LOXL4: variants seen among roughly 807,000 people sequenced by gnomAD.
The protein encoded by LOXL4 is lysyl oxidase homolog 4.
Under a neutral mutation model 89.1 loss-of-function variants are expected in LOXL4, and 72 were observed. The ratio of observed to expected loss-of-function variants is 0.81; its 90% CI spans 0.67 to 0.98. The LOEUF (loss-of-function observed/expected upper bound fraction) is 0.98. Among genes scored for constraint, LOXL4 ranks in the 50% least tolerant of loss-of-function variants. The probability of loss-of-function intolerance (pLI) is 0.00; values close to 1 mark genes in which losing one functional copy is unlikely to be tolerated. For missense variants in LOXL4, 984 were observed against 1,017.5 expected (o/e 0.97, Z 0.45); for synonymous variants, 355 against 392.1 (o/e 0.91, Z 1.12).
At chr10:98,261,767 C>A (rs562983185) in intron 3 of LOXL4, among the ~76,000 whole-genome samples, 1 of 152,360 alleles carries the variant, frequency 6.6e-6, no homozygotes, top group South Asian at 2.1e-4. Flanking sequence ...TGAGGGAGCC[C>A]CTTACCCAAT....
At position 98,251,171 on chromosome 10, in the gene LOXL4, A is replaced by T. The variant is rs1564755007; in HGVS notation, c.2094T>A (p.Ile698=). ...CTGCCACTTCATAGTGGGGGTTCAC[A>T]ATCACCTAGAGTGAAAGAGGGGACA... ...VGPGNYIFQV[I]VNPHYEVAES... is the part of the protein sequence containing the mutation. Residue 698 remains isoleucine (I), a synonymous_variant, in exon 14 of 15, where the codon ATT becomes ATA. Coordinates refer to ENST00000260702, the MANE Select transcript of LOXL4 (RefSeq NM_032211.7). 6.2e-7 allele frequency: 1 copy of T among 1,611,796 alleles called. No homozygotes were observed. Among genetic ancestry groups the T allele is most frequent in the Admixed American group, 1.7e-5 (1 of 60,006 alleles).
At chr10:98,256,669 C>A in intron 9 of LOXL4, 111 bp downstream of exon 9, 1 of 1,230,276 alleles carries the variant, frequency 8.1e-7, no homozygotes, top group Non-Finnish European at 1.2e-6. Flanking sequence ...TAGTTTCACT[C>A]AGTAATGAAT....
Position 98,248,696 on chromosome 10 carries a change from C to G in LOXL4, c.*225G>C. 2.0e-6 allele frequency: 1 copy of G among 510,882 alleles called. No homozygotes were observed. Among genetic ancestry groups the G allele is most frequent in the Non-Finnish European group, 3.5e-6 (1 of 285,798 alleles). 31.6% of individuals were successfully genotyped at this position (510,882 alleles called of 1,614,324 possible). A position where few individuals can be genotyped will look rare whatever the true frequency, so the allele number is the denominator to read the frequency against. On this transcript the variant is annotated 3_prime_UTR_variant, in exon 15 of 15. Coordinates refer to ENST00000260702, the MANE Select transcript of LOXL4 (RefSeq NM_032211.7). ...GCTCAGCTGAGCAAAGCCTGGAGGA[C>G]ATATTCCATAGGCCACAGGCCCTTA...
At position 98,255,682 on chromosome 10, in the gene LOXL4, G is replaced by T. The variant is rs149982668; in HGVS notation, c.1486C>A (p.Arg496Ser). Residue 496 changes from arginine to serine, a missense_variant, in exon 10 of 15, where the codon CGC (arginine) becomes AGC (serine). Coordinates refer to ENST00000260702, the MANE Select transcript of LOXL4 (RefSeq NM_032211.7). ...AGGGCCAGCTCTGTGCCTGAGCAGC[G>T]CACCCCACTCATCACCACCTCCTGG... ...RAQEVVMSGV[R>S]CSGTELALQQ... 3 of 1,613,566 alleles carry T rather than the reference G, an allele frequency of 1.9e-6. No homozygotes were observed. The highest frequency in any genetic ancestry group is 1.1e-5 in the South Asian group (1 of 91,070).
intron 12 of LOXL4, chr10:98,251,954 T>TCCCG: frequency 1.9e-6 from 1 of 540,178 alleles, no homozygotes; most frequent in African/African-American, 1.9e-5. Context: ...CCGTGCTAAT[T>TCCCG]TACTTGTGCA....
rs576449375 is a variant in LOXL4 at position 98,262,627 on chromosome 10, G to C, written c.277+116C>G. 28 of 1,287,774 alleles carry C rather than the reference G, an allele frequency of 2.2e-5. No individual in the cohort carries two copies. In the East Asian group the frequency reaches 4.7e-4, roughly 21 times the overall value. 79.8% of individuals were successfully genotyped at this position (1,287,774 alleles called of 1,614,324 possible). On this transcript the variant is annotated intron_variant, in intron 2 of 14. Transcript: ENST00000260702. ...GCAGCTGAGGCACTCAGGAAATGCC[G>C]TGTGGAGGAGGTCACATGAGCAGGG...
At position 98,261,975 on chromosome 10, in the gene LOXL4, A is replaced by T. The variant is rs1307199592; in HGVS notation, c.456+60T>A. 3 of 1,497,554 alleles carry T rather than the reference A, an allele frequency of 2.0e-6. No homozygotes were observed. The African/African-American group carries it at 4.2e-5, about 21-fold the overall frequency. The allele number at this position is 1,497,554 out of a possible 1,614,324, so 92.8% of individuals were successfully genotyped here. On this transcript the variant is annotated intron_variant, in intron 3 of 14. Coordinates refer to ENST00000260702, the MANE Select transcript of LOXL4 (RefSeq NM_032211.7). ...TTATCCTCTAGGCCCGTCTTCTGGG[A>T]GGCTCTCTGTTCTCTGACCCAGCCC... is the stretch of plus-strand genomic sequence containing the variant.
At chr10:98,262,010 AC>A (rs1479963453) in intron 3 of LOXL4, 24 bp downstream of exon 3, 1 of 1,588,672 alleles carries the variant, frequency 6.3e-7, no homozygotes, top group South Asian at 1.1e-5. Flanking sequence ...CTTGGCTCAG[AC>A]CAGAGCCTGA....
chr10:98,258,103 A>G lies in LOXL4; in HGVS notation c.983T>C (p.Met328Thr), dbSNP rs1411016396. ...ACAGACCGTGCCCCACTGGCGGTTC[A>G]TGAGCACTTCCACCCGGCCCTCGCC... The part of the protein sequence containing the change: ...QVGEGRVEVL[M>T]NRQWGTVCDH... The change falls in exon 7 of 15, where the codon ATG becomes ACG. Residue 328 changes from methionine (M) to threonine (T), a missense_variant. Coordinates refer to ENST00000260702, the MANE Select transcript of LOXL4 (RefSeq NM_032211.7). 3 of 1,613,394 alleles carry G rather than the reference A, an allele frequency of 1.9e-6. No homozygotes were observed. The highest frequency in any genetic ancestry group is 3.3e-5 in the Admixed American group (2 of 60,008).
chr10:98,266,695 C>G lies in LOXL4; in HGVS notation c.-33+1437G>C, dbSNP rs116134149. ...AGGCCCCCGAGAGCTTTTGCTCACA[C>G]CAGACTATAGCCTTCGTCTCCCAGC... On this transcript the variant is annotated intron_variant, in intron 1 of 14. Coordinates refer to ENST00000260702, the MANE Select transcript of LOXL4 (RefSeq NM_032211.7). 3.0e-3 allele frequency among the ~76,000 whole-genome samples: 452 copies of G among 152,320 alleles called. 4 individuals carry two copies. The highest frequency in any genetic ancestry group is 9.2e-3 in the African/African-American group (383 of 41,582).
At chr10:98,258,388 C>T (rs1858443778) in intron 6 of LOXL4, among the ~76,000 whole-genome samples, 1 of 152,062 alleles carries the variant, frequency 6.6e-6, no homozygotes, top group African/African-American at 2.4e-5. Context: ...CCCACAGCCT[C>T]ATCAAGGATG....
chr10:98,267,576 G>A (rs1858712151), intron 1 of LOXL4, among the ~76,000 whole-genome samples: 1 of 152,126 alleles, frequency 6.6e-6, no homozygotes, highest in South Asian at 2.1e-4. Context: ...GCCTCCCCGG[G>A]GTTACTGACT....
chr10:98,257,090 G>T, intron 8 of LOXL4, 143 bp from the exon 9 acceptor site: 1 of 983,986 alleles, frequency 1.0e-6, no homozygotes, highest in Non-Finnish European at 1.5e-6. Context: ...CTCCTTCTCT[G>T]TAAGGTGAGG....
intron 1 of LOXL4, among the ~76,000 whole-genome samples, chr10:98,266,650 T>C (rs1030922987): frequency 3.9e-5 from 6 of 152,186 alleles, no homozygotes; most frequent in Admixed American, 1.3e-4. Flanking sequence ...GTCCCTCTTA[T>C]TGGCCTTCCT....
In LOXL4 at chr10:98,257,500, G is replaced by T. The variant is rs141075628; in HGVS notation, c.1260+150C>A. 1,579 of 913,610 alleles carry T rather than the reference G, an allele frequency of 1.7e-3. 23 individuals are homozygous for T. The African/African-American group carries it at 0.023, about 13-fold the overall frequency. The allele number at this position is 913,610 out of a possible 1,614,324, so 56.6% of individuals were successfully genotyped here. Reference sequence around the variant, plus strand: ...GACATTTCGGAGGGGCTGCAGCCAGGTCGGCTCTAAGGGAAGGCAGACTGG... The same window carrying T: ...GACATTTCGGAGGGGCTGCAGCCAGTTCGGCTCTAAGGGAAGGCAGACTGG... On this transcript the variant is annotated intron_variant, in intron 8 of 14. Coordinates refer to ENST00000260702, the MANE Select transcript of LOXL4 (RefSeq NM_032211.7).
intron 1 of LOXL4, among the ~76,000 whole-genome samples, chr10:98,263,788 G>C (rs973106581): frequency 2.8e-5 from 4 of 145,098 alleles, no homozygotes; most frequent in Non-Finnish European, 5.9e-5. Context: ...CTGGACTGCA[G>C]TGCTGCAATC....
chr10:98,252,473 A>G lies in LOXL4; in HGVS notation c.1836-5T>C, dbSNP rs752414658. The G allele has an allele frequency of 3.1e-6, 5 of 1,597,888 alleles. No individual in the cohort carries two copies. In the African/African-American group the frequency reaches 6.7e-5, roughly 21 times the overall value. Reference sequence around the variant, plus strand: ...ACCTCAATGCTGTGGTAATGCCTGCAGAAGGGGTAGAGCTGTCAGTGCGGC... The same window carrying G: ...ACCTCAATGCTGTGGTAATGCCTGCGGAAGGGGTAGAGCTGTCAGTGCGGC... On this transcript the variant is annotated splice_region_variant and splice_polypyrimidine_tract_variant and intron_variant, in intron 11 of 14. Transcript: ENST00000260702.
intron 4 of LOXL4, 148 bp downstream of exon 4, chr10:98,260,774 G>A (rs907899488): frequency 7.8e-5 from 62 of 790,802 alleles, no homozygotes; most frequent in Admixed American, 5.1e-4. Flanking sequence ...TCACACACTC[G>A]CCTGTGTGCA....
chr10:98,264,068 A>G (rs1449421476), intron 1 of LOXL4, among the ~76,000 whole-genome samples: 12 of 151,940 alleles, frequency 7.9e-5, no homozygotes, highest in Non-Finnish European at 1.5e-4. Flanking sequence ...ATGGAACCAC[A>G]TATCATCTGG....
Sources: allele counts gnomAD v4.1 joint callset (sites outside exome capture counted in the v4.1 genomes callset), GRCh38; gene constraint gnomAD v4.1.1; transcripts MANE v1.5; gene names NCBI Gene and HGNC (gene_info 2026-07-23, HGNC 2026-07-21).